TTC9: variants seen among roughly 807,000 people sequenced by gnomAD.
TTC9 encodes the protein tetratricopeptide repeat domain 9, also known as tetratricopeptide repeat protein 9A.
In TTC9, 13 loss-of-function variants were observed where a neutral mutation model predicts 22.9. The observed-to-expected ratio is 0.57, with a 90% confidence interval of 0.37 to 0.90. TTC9 has a LOEUF of 0.90. Among genes scored for constraint, TTC9 ranks in the 40% least tolerant of loss-of-function variants. The pLI, the probability that TTC9 is intolerant of heterozygous loss-of-function variation, is 0.01. For synonymous variants in TTC9, 148 were observed against 133.2 expected (o/e 1.11, Z -0.77); for missense variants, 280 against 291.8 (o/e 0.96, Z 0.29).
At chr14:70,647,547 G>A (rs1885920379) in intron 1 of TTC9, among the ~76,000 whole-genome samples, 1 of 152,176 alleles carries the variant, frequency 6.6e-6, no homozygotes, top group African/African-American at 2.4e-5. Flanking sequence ...TGAATGGAAA[G>A]AATGGCCCTT....
intron 1 of TTC9, among the ~76,000 whole-genome samples, chr14:70,656,652 GCTT>G (rs906868696): frequency 6.6e-6 from 1 of 152,186 alleles, no homozygotes; most frequent in Non-Finnish European, 1.5e-5. Context: ...TAGAACTCTG[GCTT>G]CTAAGGTCTT....
At chr14:70,646,927 T>C (rs1885909127) in intron 1 of TTC9, among the ~76,000 whole-genome samples, 1 of 152,204 alleles carries the variant, frequency 6.6e-6, no homozygotes, top group Non-Finnish European at 1.5e-5. Context: ...GGGCCCAGCA[T>C]GAAATGAAAT....
At chr14:70,670,942 G>GCCCTCTCACCACCTTCAC (rs1886285183) in intron 2 of TTC9, 134 bp from the exon 3 acceptor site, 5 of 719,126 alleles carry the variant, frequency 7.0e-6, no homozygotes, top group African/African-American at 1.8e-5. Flanking sequence ...CAGCCACCAT[G>GCCCTCTCACCACCTTCAC]GATAGGCAGA....
chr14:70,664,081 G>T (rs1356058597), intron 1 of TTC9, among the ~76,000 whole-genome samples: 1 of 152,064 alleles, frequency 6.6e-6, no homozygotes, highest in African/African-American at 2.4e-5. Context: ...AAGACATAGT[G>T]TATGTGAAGT....
At chr14:70,652,800 T>C (rs1886004502) in intron 1 of TTC9, among the ~76,000 whole-genome samples, 2 of 152,154 alleles carry the variant, frequency 1.3e-5, no homozygotes, top group Admixed American at 1.3e-4. Flanking sequence ...GATCTGCACC[T>C]CCAGGTTGTG....
chr14:70,656,210 T>TACACACAC (rs34334641), intron 1 of TTC9, among the ~76,000 whole-genome samples: 4,083 of 147,978 alleles, frequency 0.028, 65 homozygotes, highest in Non-Finnish European at 0.036. Flanking sequence ...TTCACCCTGA[T>TACACACAC]ACACACACAC....
intron 1 of TTC9, among the ~76,000 whole-genome samples, chr14:70,647,288 C>T (rs901308412): frequency 1.3e-5 from 2 of 152,136 alleles, no homozygotes; most frequent in African/African-American, 4.8e-5. Context: ...ATTTTTATTT[C>T]ACTTTTTTAT....
chr14:70,659,135 C>T (rs1231830530), intron 1 of TTC9, among the ~76,000 whole-genome samples: 1 of 149,886 alleles, frequency 6.7e-6, no homozygotes, highest in Non-Finnish European at 1.5e-5. Context: ...CACACACGCA[C>T]ACACACACAC....
At position 70,672,412 on chromosome 14, in the gene TTC9, C is replaced by T. The variant is rs1048281994; in HGVS notation, c.*1257C>T. 6.6e-6 allele frequency: 1 copy of T among 152,216 alleles called. No individual in the cohort carries two copies. The highest frequency in any genetic ancestry group is 1.5e-5 in the Non-Finnish European group (1 of 68,034). 9.4% of individuals were successfully genotyped at this position (152,216 alleles called of 1,614,324 possible). The stretch of plus-strand genomic sequence containing the variant: ...GATGTCTGTGCTCGTTATGCTATGC[C>T]ATGTTGCTTCAGTCAAACAAGAAAC... On this transcript the variant is annotated 3_prime_UTR_variant, in exon 3 of 3. Coordinates refer to ENST00000256367, the MANE Select transcript of TTC9 (RefSeq NM_015351.2).
At chr14:70,656,958 G>A (rs1886075767) in intron 1 of TTC9, among the ~76,000 whole-genome samples, 1 of 152,202 alleles carries the variant, frequency 6.6e-6, no homozygotes, top group African/African-American at 2.4e-5. Context: ...GGGGCCATAG[G>A]TGGGATAACT....
intron 1 of TTC9, among the ~76,000 whole-genome samples, chr14:70,658,206 C>T (rs769723926): frequency 2.6e-4 from 39 of 152,188 alleles, no homozygotes; most frequent in Non-Finnish European, 4.6e-4. Flanking sequence ...CAAGCCTCAG[C>T]TCCTGGAAGC....
chr14:70,650,257 T>C (rs1311530075), intron 1 of TTC9, among the ~76,000 whole-genome samples: 2 of 152,126 alleles, frequency 1.3e-5, no homozygotes, highest in Admixed American at 1.3e-4. Flanking sequence ...ACCCTGTCTC[T>C]ACTAAAAATA....
intron 1 of TTC9, among the ~76,000 whole-genome samples, chr14:70,657,563 C>T (rs1185922999): frequency 6.6e-6 from 1 of 152,190 alleles, no homozygotes; most frequent in Non-Finnish European, 1.5e-5. Flanking sequence ...GGAGATTTAG[C>T]CCCCTAGATA....
chr14:70,671,401 G>A lies in TTC9; in HGVS notation c.*246G>A. 2 of 407,786 alleles carry A rather than the reference G, an allele frequency of 4.9e-6. 1 individual carries two copies. The highest frequency in any genetic ancestry group is 9.2e-6 in the Non-Finnish European group (2 of 217,882). The allele number at this position is 407,786 out of a possible 1,614,324, so 25.3% of individuals were successfully genotyped here. A position where few individuals can be genotyped will look rare whatever the true frequency, so the allele number is the denominator to read the frequency against. On this transcript the variant is annotated 3_prime_UTR_variant, in exon 3 of 3. Transcript: ENST00000256367. ...CTCTAGCAGGTCAGCGACTGAGAGG[G>A]GCCTGACTTCTGCTGGGACAGCTGG...
At chr14:70,657,453 A>G (rs1886083784) in intron 1 of TTC9, among the ~76,000 whole-genome samples, 1 of 152,252 alleles carries the variant, frequency 6.6e-6, no homozygotes, top group Non-Finnish European at 1.5e-5. Context: ...TAAAACAAAG[A>G]AAACAAAAGA....
At chr14:70,654,457 G>C (rs1001726977) in intron 1 of TTC9, among the ~76,000 whole-genome samples, 3 of 151,334 alleles carry the variant, frequency 2.0e-5, no homozygotes, top group Non-Finnish European at 4.4e-5. Context: ...CGGGCGTGGC[G>C]GTATATGCTT....
chr14:70,656,362 G>C (rs1034058465), intron 1 of TTC9, among the ~76,000 whole-genome samples: 1 of 152,096 alleles, frequency 6.6e-6, no homozygotes, highest in African/African-American at 2.4e-5. Context: ...GATTGTAATG[G>C]CTGTGTAATG....
Position 70,642,309 on chromosome 14 carries a change from C to G in TTC9, c.180C>G (p.Phe60Leu). The change falls in exon 1 of 3, where the codon TTC becomes TTG. Residue 60 changes from phenylalanine (F) to leucine (L), a missense_variant. Transcript: ENST00000256367. ...AGCTCATCCGACGAGCGCACGAGTT[C>G]AAAAGCCAAGGGGCGCAGTGCTACA... ...PAELIRRAHE[F>L]KSQGAQCYKD... The G allele has an allele frequency of 1.5e-5, 23 of 1,563,080 alleles. No individual in the cohort carries two copies. Among genetic ancestry groups the G allele is most frequent in the Non-Finnish European group, 1.8e-5 (21 of 1,156,432 alleles).
Position 70,667,574 on chromosome 14 carries a change from C to T in TTC9, c.417C>T (p.Leu139=). The change falls in exon 2 of 3, where the codon CTC becomes CTT. Residue 139 remains leucine (L), a synonymous_variant. Coordinates refer to ENST00000256367, the MANE Select transcript of TTC9 (RefSeq NM_015351.2). ...TCCCTTCCTCCATAGCCTGCCTGCT[C>T]CAGGCTGAGCTGGTAAACTATGAAC... ...DCYNSLAACL[L]QAELVNYERV... is the part of the protein sequence containing the mutation. The T allele has an allele frequency of 6.2e-7, 1 of 1,613,966 alleles. No individual in the cohort carries two copies. The highest frequency in any genetic ancestry group is 8.5e-7 in the Non-Finnish European group (1 of 1,179,878).
Sources: gnomAD v4.1 joint callset for allele counts (sites outside exome capture counted in the v4.1 genomes callset) on GRCh38, gnomAD v4.1.1 for gene constraint, MANE v1.5 for transcripts, NCBI Gene and HGNC (gene_info 2026-07-23, HGNC 2026-07-21) for gene names.